The following SCFD1 variants were observed in gnomAD, a reference collection of about 807,000 sequenced individuals.
SCFD1 encodes the protein sec1 family domain containing 1.
A neutral mutation model predicts 103.2 loss-of-function variants in SCFD1; 37 were observed. The ratio of observed to expected loss-of-function variants is 0.36; its 90% CI spans 0.28 to 0.47. The LOEUF (loss-of-function observed/expected upper bound fraction) is 0.47, where lower values mean the gene tolerates loss of function less well. Among genes scored for constraint, SCFD1 ranks in the 20% least tolerant of loss-of-function variants. SCFD1 has a pLI of 1.00. For synonymous variants in SCFD1, 264 were observed against 245.0 expected, an observed-to-expected ratio of 1.08 and a Z score of -0.73; for missense variants, 639 against 761.2, an observed-to-expected ratio of 0.84 and a Z score of 1.89.
At chr14:30,678,671 GC>G (rs143319042) in intron 14 of SCFD1, among the ~76,000 whole-genome samples, 2,533 of 152,260 alleles carry the variant, frequency 0.017, 93 homozygotes, top group African/African-American at 0.057. Flanking sequence ...AAGAAAAGAA[GC>G]CTACTTGTAA....
chr14:30,696,907 A>G (rs1036216668), intron 15 of SCFD1, among the ~76,000 whole-genome samples: 3 of 152,224 alleles, frequency 2.0e-5, no homozygotes, highest in African/African-American at 7.2e-5. Context: ...ATATAAAGAA[A>G]GCCCAATTTC....
At chr14:30,635,004 A>C (rs1219850671) in intron 4 of SCFD1, 1 of 455,460 alleles carries the variant, frequency 2.2e-6, no homozygotes, top group East Asian at 6.9e-5. Flanking sequence ...TTCTTTTAGC[A>C]AGGAAAAGGA....
At chr14:30,625,325 T>G (rs1182769209) in intron 1 of SCFD1, among the ~76,000 whole-genome samples, 1 of 152,186 alleles carries the variant, frequency 6.6e-6, no homozygotes, top group African/African-American at 2.4e-5. Context: ...GGAGTGTTTT[T>G]GATTTTGGAA....
At chr14:30,635,170 C>G (rs573897109) in intron 4 of SCFD1, 5 of 349,892 alleles carry the variant, frequency 1.4e-5, no homozygotes, top group Non-Finnish European at 2.8e-5. Flanking sequence ...TCTCTTTTAC[C>G]CTGCGTAAAC....
chr14:30,684,822 T>TTTTTTTTTTC (rs71112333), intron 14 of SCFD1, among the ~76,000 whole-genome samples: 1 of 138,572 alleles, frequency 7.2e-6, no homozygotes, highest in African/African-American at 2.8e-5. Context: ...TTTTTTTTTT[T>TTTTTTTTTTC]ATTATACTCT....
chr14:30,657,136 C>G (rs560111275), intron 10 of SCFD1, among the ~76,000 whole-genome samples: 2 of 151,874 alleles, frequency 1.3e-5, no homozygotes, highest in African/African-American at 2.4e-5. Flanking sequence ...TCTAAAACAC[C>G]GAGATGTCTA....
chr14:30,716,015 A>G lies in SCFD1; in HGVS notation c.1683+38A>G, dbSNP rs777143926. The G allele has an allele frequency of 3.6e-5, 43 of 1,203,430 alleles. No homozygotes were observed. In the South Asian group the frequency reaches 5.4e-4, roughly 15 times the overall value. 74.5% of individuals were successfully genotyped at this position (1,203,430 alleles called of 1,614,324 possible). On this transcript the variant is annotated intron_variant, in intron 20 of 24. Transcript: ENST00000458591. ...TAACATATTTTGTGTAAATTCCCGA[A>G]TGTGTCAAACTGACTAGTATGAAAG...
chr14:30,679,400 A>C (rs1446147737), intron 14 of SCFD1, among the ~76,000 whole-genome samples: 1 of 152,202 alleles, frequency 6.6e-6, no homozygotes, highest in African/African-American at 2.4e-5. Flanking sequence ...AAAAAACCTT[A>C]ACCATAAAAG....
At chr14:30,668,221 A>G (rs1043212435) in intron 10 of SCFD1, among the ~76,000 whole-genome samples, 1 of 152,184 alleles carries the variant, frequency 6.6e-6, no homozygotes, top group Non-Finnish European at 1.5e-5. Flanking sequence ...GTGGAACAGA[A>G]CAGAGGCCTC....
chr14:30,681,292 A>C (rs1266373200), intron 14 of SCFD1, among the ~76,000 whole-genome samples: 1 of 152,110 alleles, frequency 6.6e-6, no homozygotes, highest in Non-Finnish European at 1.5e-5. Context: ...GAGCCATAAA[A>C]AACAAGACAA....
At chr14:30,684,555 T>C (rs955944740) in intron 14 of SCFD1, among the ~76,000 whole-genome samples, 1 of 152,008 alleles carries the variant, frequency 6.6e-6, no homozygotes, top group Non-Finnish European at 1.5e-5. Context: ...ATGACTGAAA[T>C]TTGGAGAAAA....
intron 23 of SCFD1, among the ~76,000 whole-genome samples, chr14:30,732,016 G>GAGAT (rs1241933206): frequency 2.0e-5 from 3 of 152,038 alleles, no homozygotes; most frequent in Non-Finnish European, 4.4e-5. Context: ...TTATTATTTT[G>GAGAT]AGATACGTCC....
At chr14:30,643,971 G>C (rs938083817) in intron 7 of SCFD1, 2 of 456,426 alleles carry the variant, frequency 4.4e-6, no homozygotes, top group African/African-American at 4.0e-5. Context: ...CAGGCCATGG[G>C]CATGGTACCT....
intron 10 of SCFD1, among the ~76,000 whole-genome samples, chr14:30,662,372 T>C (rs966964763): frequency 3.9e-5 from 6 of 152,204 alleles, no homozygotes; most frequent in African/African-American, 1.4e-4. Flanking sequence ...CTGTGGAAGA[T>C]GTTGGTGGAG....
intron 4 of SCFD1, among the ~76,000 whole-genome samples, chr14:30,635,902 A>C (rs780859714): frequency 1.3e-5 from 2 of 152,038 alleles, no homozygotes; most frequent in Non-Finnish European, 2.9e-5. Flanking sequence ...ATTTCTCCAG[A>C]TCCTTGCTGA....
intron 23 of SCFD1, among the ~76,000 whole-genome samples, chr14:30,725,455 G>A (rs1287948963): frequency 6.6e-6 from 1 of 152,104 alleles, no homozygotes; most frequent in Non-Finnish European, 1.5e-5. Context: ...AATTGTGAAT[G>A]GGAGCTTCTT....
intron 19 of SCFD1, among the ~76,000 whole-genome samples, 189 bp downstream of exon 19, chr14:30,708,254 T>G (rs575710131): frequency 2.0e-5 from 3 of 152,254 alleles, no homozygotes; most frequent in African/African-American, 7.2e-5. Flanking sequence ...TAGGTAAATG[T>G]GTGCCTTGGT....
At chr14:30,704,709 T>C (rs1191789053) in intron 17 of SCFD1, among the ~76,000 whole-genome samples, 4 of 152,200 alleles carry the variant, frequency 2.6e-5, no homozygotes, top group Non-Finnish European at 4.4e-5. Context: ...TTTTTTCCCT[T>C]ATAAAATTTT....
chr14:30,629,547 T>C (rs1173970189), intron 2 of SCFD1, among the ~76,000 whole-genome samples: 2 of 151,662 alleles, frequency 1.3e-5, no homozygotes, highest in Non-Finnish European at 2.9e-5. Flanking sequence ...TTTGATAGAC[T>C]AAGTCTATCA....
Sources: gnomAD v4.1 joint callset for allele counts (sites outside exome capture counted in the v4.1 genomes callset) on GRCh38, gnomAD v4.1.1 for gene constraint, MANE v1.5 for transcripts, NCBI Gene and HGNC (gene_info 2026-07-23, HGNC 2026-07-21) for gene names.